FHIT: variants seen among roughly 807,000 people sequenced by gnomAD.
FHIT encodes bis(5'-adenosyl)-triphosphatase.
Under a neutral mutation model 17.9 loss-of-function variants are expected in FHIT, and 19 were observed. The ratio of observed to expected loss-of-function variants is 1.06; its 90% CI spans 0.74 to 1.56. The LOEUF is 1.56. FHIT is among the 40% of genes most tolerant of loss of function. The pLI, the probability that FHIT is intolerant of heterozygous loss-of-function variation, is 0.00. For synonymous variants in FHIT, 81 were observed against 69.7 expected (o/e 1.16, Z -0.81); for missense variants, 248 against 189.2 (o/e 1.31, Z -1.82).
chr3:59,921,333 TC>T (rs138189202), intron 8 of FHIT, among the ~76,000 whole-genome samples: 2,998 of 152,284 alleles, frequency 0.02, 99 homozygotes, highest in African/African-American at 0.066. Flanking sequence ...TTTTAACTGG[TC>T]CCTGGAAACA....
intron 5 of FHIT, among the ~76,000 whole-genome samples, chr3:60,318,996 C>G (rs10154941): frequency 0.019 from 2,932 of 152,194 alleles, 92 homozygotes; most frequent in African/African-American, 0.067. Flanking sequence ...TGTCACATGG[C>G]CTGCTCTCTG....
At chr3:60,788,163 G>A (rs1479429032) in intron 4 of FHIT, among the ~76,000 whole-genome samples, 1 of 152,114 alleles carries the variant, frequency 6.6e-6, no homozygotes, top group Admixed American at 6.5e-5. Flanking sequence ...CCAGTAGCAC[G>A]TGCCTGTAGT....
intron 4 of FHIT, among the ~76,000 whole-genome samples, chr3:60,755,295 G>A (rs996911534): frequency 4.6e-5 from 7 of 152,214 alleles, no homozygotes; most frequent in Admixed American, 4.6e-4. Flanking sequence ...GACAACAGAA[G>A]AGAACACGTC....
chr3:60,501,673 G>C (rs2034531213), intron 5 of FHIT, among the ~76,000 whole-genome samples: 1 of 152,160 alleles, frequency 6.6e-6, no homozygotes, highest in African/African-American at 2.4e-5. Flanking sequence ...AAACACCCTA[G>C]GTGATGCTCG....
chr3:59,880,950 C>G (rs1367271270), intron 8 of FHIT, among the ~76,000 whole-genome samples: 13 of 152,126 alleles, frequency 8.5e-5, no homozygotes, highest in African/African-American at 3.1e-4. Context: ...AATACAGTCA[C>G]TTCCAATTTG....
At chr3:60,373,741 C>A (rs1401767417) in intron 5 of FHIT, among the ~76,000 whole-genome samples, 1 of 152,160 alleles carries the variant, frequency 6.6e-6, no homozygotes, top group Non-Finnish European at 1.5e-5. Flanking sequence ...TCATTAGAAG[C>A]CCCTCGGCTT....
At chr3:59,824,500 G>A (rs1400272681) in intron 8 of FHIT, among the ~76,000 whole-genome samples, 3 of 152,236 alleles carry the variant, frequency 2.0e-5, no homozygotes, top group Admixed American at 1.3e-4. Context: ...AGTATCCAGA[G>A]GAACTAGGCC....
At chr3:60,376,488 T>TAC (rs150998468) in intron 5 of FHIT, among the ~76,000 whole-genome samples, 3 of 152,226 alleles carry the variant, frequency 2.0e-5, no homozygotes, top group African/African-American at 7.2e-5. Context: ...CAAACATACA[T>TAC]ACACACACAC....
intron 5 of FHIT, among the ~76,000 whole-genome samples, chr3:60,350,320 A>G (rs1345318075): frequency 1.3e-5 from 2 of 152,128 alleles, no homozygotes; most frequent in East Asian, 3.9e-4. Flanking sequence ...CTGAACTGGC[A>G]AGCCCATATC....
chr3:61,149,041 AC>A (rs1365724656), intron 2 of FHIT, among the ~76,000 whole-genome samples: 1 of 152,234 alleles, frequency 6.6e-6, no homozygotes, highest in Non-Finnish European at 1.5e-5. Context: ...ATTAAAACTT[AC>A]GTTTAACTGA....
chr3:60,178,763 T>C (rs1039684678), intron 5 of FHIT, among the ~76,000 whole-genome samples: 1 of 152,192 alleles, frequency 6.6e-6, no homozygotes, highest in South Asian at 2.1e-4. Context: ...AGAAAGACTT[T>C]CACAGATCAA....
At chr3:60,766,248 C>G (rs1368786129) in intron 4 of FHIT, among the ~76,000 whole-genome samples, 3 of 152,056 alleles carry the variant, frequency 2.0e-5, no homozygotes, top group Non-Finnish European at 4.4e-5. Flanking sequence ...ATTAAGAATA[C>G]TGTAAAATTA....
At chr3:60,011,435 A>T in intron 6 of FHIT, 35 bp from the exon 7 acceptor site, 1 of 1,576,884 alleles carries the variant, frequency 6.3e-7, no homozygotes, top group Non-Finnish European at 8.7e-7. Flanking sequence ...AGGTGAGAAT[A>T]GATAGATGGT....
chr3:59,805,377 C>T (rs1438877168), intron 8 of FHIT, among the ~76,000 whole-genome samples: 1 of 152,140 alleles, frequency 6.6e-6, no homozygotes, highest in Non-Finnish European at 1.5e-5. Flanking sequence ...ATATTTTCAG[C>T]TAAAGGAATG....
intron 5 of FHIT, among the ~76,000 whole-genome samples, chr3:60,116,309 G>A (rs1008338129): frequency 1.3e-5 from 2 of 152,084 alleles, no homozygotes; most frequent in Non-Finnish European, 2.9e-5. Context: ...TGGAAAAGGT[G>A]GTGTGTAACT....
chr3:60,766,420 C>A (rs1699857059), intron 4 of FHIT, among the ~76,000 whole-genome samples: 1 of 152,128 alleles, frequency 6.6e-6, no homozygotes. Flanking sequence ...TGTACTTCAA[C>A]ACAGACTCTT....
At chr3:61,075,485 G>T (rs1425226223) in intron 2 of FHIT, among the ~76,000 whole-genome samples, 8 of 152,024 alleles carry the variant, frequency 5.3e-5, no homozygotes, top group East Asian at 3.9e-4. Context: ...AATGATGGAA[G>T]ATTAGGAAGA....
rs541206671 is a variant in FHIT at position 60,586,115 on chromosome 3, G to A, written c.-17-49136C>T. On this transcript the variant is annotated intron_variant, in intron 4 of 9. Coordinates refer to ENST00000492590, the MANE Select transcript of FHIT (RefSeq NM_002012.4). ...TATAGGCACCAAAAGTGGAACCACA[G>A]AGAAAGGGGGAAATCATCTGAGATC... Among the ~76,000 whole-genome samples, 3 of 152,094 alleles carry A rather than the reference G, an allele frequency of 2.0e-5. No homozygotes were observed. In the South Asian group the frequency reaches 6.2e-4, roughly 32 times the overall value.
At chr3:60,797,482 T>C (rs1279876473) in intron 4 of FHIT, among the ~76,000 whole-genome samples, 1 of 141,768 alleles carries the variant, frequency 7.1e-6, no homozygotes, top group African/African-American at 2.5e-5. Flanking sequence ...GTAGTAGTAG[T>C]AGTAGTAGTA....
Sources: gnomAD v4.1 joint callset for allele counts (sites outside exome capture counted in the v4.1 genomes callset) on GRCh38, gnomAD v4.1.1 for gene constraint, MANE v1.5 for transcripts, NCBI Gene and HGNC (gene_info 2026-07-23, HGNC 2026-07-21) for gene names.